The following CDC73 variants were observed in gnomAD, a reference collection of about 807,000 sequenced individuals.
CDC73 encodes the protein cell division cycle 73.
CDC73 carries 21 observed loss-of-function variants against 83.7 expected under a neutral mutation model. The ratio of observed to expected loss-of-function variants is 0.25; its 90% CI spans 0.18 to 0.36. The LOEUF (loss-of-function observed/expected upper bound fraction) is 0.36, where lower values mean the gene tolerates loss of function less well. Among genes scored for constraint, CDC73 ranks in the 10% least tolerant of loss-of-function variants. The pLI, the probability that CDC73 is intolerant of heterozygous loss-of-function variation, is 1.00. For synonymous variants in CDC73, 224 were observed against 212.9 expected (o/e 1.05, Z -0.45); for missense variants, 342 against 653.3 (o/e 0.52, Z 5.19).
At chr1:193,216,426 TC>T (rs1332743577) in intron 13 of CDC73, among the ~76,000 whole-genome samples, 1 of 152,154 alleles carries the variant, frequency 6.6e-6, no homozygotes, top group African/African-American at 2.4e-5. Flanking sequence ...AATAATGAGT[TC>T]CGAATTTGAA....
At position 193,152,263 on chromosome 1, in the gene CDC73, A is replaced by G; in HGVS notation, c.908-117A>G. 3 of 704,606 alleles carry G rather than the reference A, an allele frequency of 4.3e-6. No individual in the cohort carries two copies. The Admixed American group carries it at 7.0e-5, about 16-fold the overall frequency. The allele number at this position is 704,606 out of a possible 1,614,324, so 43.6% of individuals were successfully genotyped here. Reference sequence around the variant, plus strand: ...AATTTAATTTTACATAGTAGATTCAAGGCTTTGTATATTATTGAACCATCA... The same window carrying G: ...AATTTAATTTTACATAGTAGATTCAGGGCTTTGTATATTATTGAACCATCA... On this transcript the variant is annotated intron_variant, in intron 9 of 16. Transcript: ENST00000367435.
intron 3 of CDC73, among the ~76,000 whole-genome samples, chr1:193,133,553 C>T (rs1432313608): frequency 1.3e-5 from 2 of 152,110 alleles, no homozygotes; most frequent in Non-Finnish European, 2.9e-5. Context: ...AATAAAAAAA[C>T]TTTATCTGTT....
At chr1:193,168,947 A>G (rs1424479044) in intron 10 of CDC73, among the ~76,000 whole-genome samples, 1 of 152,338 alleles carries the variant, frequency 6.6e-6, no homozygotes, top group South Asian at 2.1e-4. Flanking sequence ...TTTAAATAAT[A>G]CTTTTGATTA....
In CDC73 at chr1:193,152,435, A is replaced by G; in HGVS notation, c.963A>G (p.Lys321=). Residue 321 remains lysine (K), a synonymous_variant, in exon 10 of 17, where the codon AAA becomes AAG. Coordinates refer to ENST00000367435, the MANE Select transcript of CDC73 (RefSeq NM_024529.5). ...GAACCTACCATGGTATGACACTGAAATCTGTAACGGTAAGTTAATTTGGCT... is the reference window on the plus strand; with the variant it reads ...GAACCTACCATGGTATGACACTGAAGTCTGTAACGGTAAGTTAATTTGGCT... ...TMGTYHGMTL[K]SVTEGASARK... 6.2e-7 allele frequency: 1 copy of G among 1,606,300 alleles called. No individual in the cohort carries two copies. The highest frequency in any genetic ancestry group is 8.5e-7 in the Non-Finnish European group (1 of 1,173,178).
intron 10 of CDC73, among the ~76,000 whole-genome samples, chr1:193,159,589 T>C (rs536828598): frequency 5.3e-5 from 8 of 152,276 alleles, no homozygotes; most frequent in Non-Finnish European, 7.4e-5. Context: ...TGCGAACTCC[T>C]GACCTCAAGC....
intron 15 of CDC73, among the ~76,000 whole-genome samples, chr1:193,243,629 A>T (rs1677900264): frequency 6.6e-6 from 1 of 152,188 alleles, no homozygotes; most frequent in African/African-American, 2.4e-5. Flanking sequence ...GCAGAATGGA[A>T]ATGATTAAAA....
chr1:193,125,880 G>T (rs780696634), intron 2 of CDC73, among the ~76,000 whole-genome samples: 1 of 152,066 alleles, frequency 6.6e-6, no homozygotes, highest in African/African-American at 2.4e-5. Context: ...TCAAAATTAG[G>T]TGACTGTGTG....
intron 13 of CDC73, among the ~76,000 whole-genome samples, chr1:193,221,518 G>A (rs1677469518): frequency 6.6e-6 from 1 of 151,684 alleles, no homozygotes; most frequent in Non-Finnish European, 1.5e-5. Flanking sequence ...TATCTAACTG[G>A]TTATACAAAA....
intron 10 of CDC73, among the ~76,000 whole-genome samples, chr1:193,174,703 C>T (rs965393290): frequency 1.3e-5 from 2 of 152,126 alleles, no homozygotes; most frequent in African/African-American, 4.8e-5. Flanking sequence ...CAGTAAATGG[C>T]ACTGTCAGTG....
At chr1:193,155,951 G>GT (rs1243047141) in intron 10 of CDC73, among the ~76,000 whole-genome samples, 1 of 152,110 alleles carries the variant, frequency 6.6e-6, no homozygotes, top group Non-Finnish European at 1.5e-5. Flanking sequence ...AAGGACTAGT[G>GT]TTTCATAGAA....
At chr1:193,144,013 G>T (rs188616846) in intron 7 of CDC73, among the ~76,000 whole-genome samples, 18 of 145,004 alleles carry the variant, frequency 1.2e-4, no homozygotes, top group Non-Finnish European at 2.2e-4. Flanking sequence ...GGGAGGCTGA[G>T]TGAGGAGAAT....
At chr1:193,181,711 G>T in intron 10 of CDC73, 1 of 728,522 alleles carries the variant, frequency 1.4e-6, no homozygotes, top group Non-Finnish European at 2.2e-6. Context: ...AAAGTTTACA[G>T]AACTGCCTGA....
At chr1:193,122,733 G>T (rs1362615690) in intron 1 of CDC73, among the ~76,000 whole-genome samples, 3 of 151,828 alleles carry the variant, frequency 2.0e-5, no homozygotes, top group Admixed American at 2.0e-4. Flanking sequence ...CTCTTTTCCA[G>T]GCTGCTATGT....
intron 2 of CDC73, among the ~76,000 whole-genome samples, chr1:193,129,248 G>T (rs534365308): frequency 2.0e-5 from 3 of 151,472 alleles, no homozygotes; most frequent in Non-Finnish European, 2.9e-5. Context: ...CACCCGTCTC[G>T]ACCTCCCAAA....
intron 1 of CDC73, 76 bp downstream of exon 1, chr1:193,122,407 C>G: frequency 1.3e-6 from 2 of 1,590,346 alleles, no homozygotes; most frequent in East Asian, 2.2e-5. Flanking sequence ...TTCTTAACCC[C>G]TCCCCCCGTT....
chr1:193,191,138 A>G (rs1453018661), intron 10 of CDC73, among the ~76,000 whole-genome samples: 3 of 152,198 alleles, frequency 2.0e-5, no homozygotes, highest in Non-Finnish European at 4.4e-5. Context: ...ATTATCTAGA[A>G]ATGTAACTAC....
chr1:193,164,011 C>T (rs1676389371), intron 10 of CDC73, among the ~76,000 whole-genome samples: 2 of 152,160 alleles, frequency 1.3e-5, no homozygotes, highest in Admixed American at 1.3e-4. Flanking sequence ...CTCCTGACCT[C>T]AAGTGATCGG....
At chr1:193,216,687 C>G (rs567609507) in intron 13 of CDC73, among the ~76,000 whole-genome samples, 1 of 151,526 alleles carries the variant, frequency 6.6e-6, no homozygotes, top group South Asian at 2.1e-4. Context: ...AGCACAGATG[C>G]AAAAATCAAC....
rs1376027438 is a variant in CDC73 at position 193,142,003 on chromosome 1, A to C, written c.666A>C (p.Arg222=). ...TGGATGCTGAGGTAGATGTGACCCG[A>C]GATATTGTCAGCAGAGAGAGAGTAT... The part of the protein sequence containing the change: ...SFVDAEVDVT[R]DIVSRERVWR... Residue 222 remains arginine (R), a synonymous_variant, in exon 7 of 17, where the codon CGA becomes CGC. Coordinates refer to ENST00000367435, the MANE Select transcript of CDC73 (RefSeq NM_024529.5). 6.2e-7 allele frequency: 1 copy of C among 1,614,024 alleles called. No individual in the cohort carries two copies. The highest frequency in any genetic ancestry group is 1.7e-5 in the Admixed American group (1 of 60,016).
Sources: gnomAD v4.1 joint callset for allele counts (sites outside exome capture counted in the v4.1 genomes callset) on GRCh38, gnomAD v4.1.1 for gene constraint, MANE v1.5 for transcripts, NCBI Gene and HGNC (gene_info 2026-07-23, HGNC 2026-07-21) for gene names.